GTF2I: variants seen among roughly 807,000 people sequenced by gnomAD.
The protein encoded by GTF2I is general transcription factor IIi, also known as general transcription factor II-I.
Under a neutral mutation model 67.6 loss-of-function variants are expected in GTF2I, and 12 were observed. The observed-to-expected ratio is 0.18, with a 90% CI of 0.11 to 0.29. The LOEUF (loss-of-function observed/expected upper bound fraction) is 0.29. GTF2I is among the 10% of genes least tolerant of loss of function. The pLI is 1.00. For missense variants in GTF2I, 271 were observed against 580.1 expected, an observed-to-expected ratio of 0.47 and a Z score of 5.47; for synonymous variants, 149 against 197.0, an observed-to-expected ratio of 0.76 and a Z score of 2.04.
chr7:74,707,340 A>G (rs1421134208), intron 8 of GTF2I, among the ~76,000 whole-genome samples: 2 of 151,916 alleles, frequency 1.3e-5, no homozygotes, highest in Admixed American at 6.6e-5. Flanking sequence ...CTGCCCCCTC[A>G]TCTCCCTCTG....
At chr7:74,685,287 C>T (rs1034767901) in intron 1 of GTF2I, among the ~76,000 whole-genome samples, 3 of 152,144 alleles carry the variant, frequency 2.0e-5, no homozygotes, top group South Asian at 2.1e-4. Context: ...CTTGAGGTCA[C>T]GAGTTCCAGA....
intron 1 of GTF2I, among the ~76,000 whole-genome samples, chr7:74,665,283 GCT>G (rs1393057599): frequency 1.3e-5 from 2 of 151,480 alleles, no homozygotes; most frequent in Non-Finnish European, 2.9e-5. Flanking sequence ...ACAGTGTCTT[GCT>G]CTGTTACCCA....
intron 15 of GTF2I, among the ~76,000 whole-genome samples, chr7:74,732,973 AT>A (rs1166582666): frequency 1.0e-4 from 15 of 149,472 alleles, no homozygotes; most frequent in African/African-American, 2.9e-4. Flanking sequence ...ATATATATAT[AT>A]TTTTTTTTTC....
intron 11 of GTF2I, among the ~76,000 whole-genome samples, chr7:74,718,620 T>G (rs1044141736): frequency 2.2e-4 from 33 of 152,248 alleles, no homozygotes; most frequent in African/African-American, 7.2e-4. Flanking sequence ...CCTCCAAGAC[T>G]ATGGGATTTT....
intron 3 of GTF2I, among the ~76,000 whole-genome samples, chr7:74,694,544 G>A (rs782545305): frequency 1.3e-5 from 2 of 152,020 alleles, no homozygotes; most frequent in Non-Finnish European, 2.9e-5. Context: ...CTGAGATCTC[G>A]CCATTGCACT....
At chr7:74,691,208 C>CT (rs368243097) in intron 3 of GTF2I, 97 bp downstream of exon 3, 55,600 of 649,838 alleles carry the variant, frequency 0.086, 48 homozygotes, top group Middle Eastern at 0.097. Context: ...TTCTTTCTTT[C>CT]TTTTTTTTTT....
At chr7:74,700,180 G>A in intron 4 of GTF2I, 67 bp from the exon 5 acceptor site, 1 of 1,530,460 alleles carries the variant, frequency 6.5e-7, no homozygotes, top group Non-Finnish European at 9.0e-7. Flanking sequence ...GCCACAATAA[G>A]CTAGCGATGA....
intron 3 of GTF2I, among the ~76,000 whole-genome samples, chr7:74,693,501 G>GT (rs1225869752): frequency 2.6e-5 from 4 of 151,782 alleles, no homozygotes; most frequent in Non-Finnish European, 5.9e-5. Flanking sequence ...CAATCGCCTG[G>GT]TCCCCCATCA....
Position 74,700,440 on chromosome 7 carries a change from T to C in GTF2I, c.557+10T>C. The C allele has an allele frequency of 1.2e-6, 2 of 1,614,028 alleles. No homozygotes were observed. The highest frequency in any genetic ancestry group is 1.7e-6 in the Non-Finnish European group (2 of 1,179,874). On this transcript the variant is annotated intron_variant, in intron 5 of 34. Transcript: ENST00000573035. ...CATTCATCATTAAGAGGTGAAGTGCTTTCTCCCTTTGTACCCATCAACAGT... is the reference window on the plus strand; with the variant it reads ...CATTCATCATTAAGAGGTGAAGTGCCTTCTCCCTTTGTACCCATCAACAGT...
At chr7:74,698,019 AATTTCCG>A (rs1375019389) in intron 3 of GTF2I, among the ~76,000 whole-genome samples, 1 of 151,876 alleles carries the variant, frequency 6.6e-6, no homozygotes, top group Non-Finnish European at 1.5e-5. Flanking sequence ...GCAGTGGCGC[AATTTCCG>A]CTCGCTGCAA....
At chr7:74,688,732 CT>C (rs1787969191) in intron 1 of GTF2I, among the ~76,000 whole-genome samples, 1 of 152,174 alleles carries the variant, frequency 6.6e-6, no homozygotes, top group African/African-American at 2.4e-5. Context: ...TGTACCCACT[CT>C]TTTGTGTGTC....
intron 1 of GTF2I, among the ~76,000 whole-genome samples, chr7:74,688,490 C>T (rs181903367): frequency 7.6e-4 from 116 of 152,160 alleles, no homozygotes; most frequent in African/African-American, 2.6e-3. Context: ...GAGTTTTGCT[C>T]TTGTCACCCA....
intron 19 of GTF2I, among the ~76,000 whole-genome samples, chr7:74,741,058 T>G (rs1463163774): frequency 8.4e-5 from 3 of 35,590 alleles, no homozygotes; most frequent in South Asian, 9.8e-4. Context: ...ATAATAGCTT[T>G]TTTGTTTGTT....
chr7:74,680,099 A>ATAT (rs1472352975), intron 1 of GTF2I, among the ~76,000 whole-genome samples: 17 of 94,978 alleles, frequency 1.8e-4, no homozygotes, highest in South Asian at 3.3e-4. Context: ...AAAAAAAAAA[A>ATAT]ATATATATAT....
At chr7:74,733,401 C>A (rs1468063562) in intron 15 of GTF2I, among the ~76,000 whole-genome samples, 1 of 134,188 alleles carries the variant, frequency 7.5e-6, no homozygotes, top group Admixed American at 7.9e-5. Flanking sequence ...GATACATGCT[C>A]CATGAAGCAC....
chr7:74,725,624 G>A (rs1357684304), intron 12 of GTF2I, among the ~76,000 whole-genome samples: 2 of 152,100 alleles, frequency 1.3e-5, no homozygotes, highest in Non-Finnish European at 2.9e-5. Context: ...AGCCTGGGAA[G>A]TCGAGGCTGC....
intron 6 of GTF2I, 52 bp downstream of exon 6, chr7:74,700,686 A>G (rs1554399664): frequency 6.8e-7 from 1 of 1,478,162 alleles, no homozygotes; most frequent in African/African-American, 1.4e-5. Context: ...GTTTTGCTAG[A>G]TTTTCATACA....
At chr7:74,680,108 A>C (rs1263434715) in intron 1 of GTF2I, among the ~76,000 whole-genome samples, 4 of 123,328 alleles carry the variant, frequency 3.2e-5, no homozygotes, top group African/African-American at 1.3e-4. Context: ...AAATATATAT[A>C]TATATATATG....
At chr7:74,659,827 GC>G (rs1237117432) in intron 1 of GTF2I, among the ~76,000 whole-genome samples, 1 of 152,134 alleles carries the variant, frequency 6.6e-6, no homozygotes, top group Non-Finnish European at 1.5e-5. Context: ...ACAGGCTTGA[GC>G]CACCACGCTG....
Sources: gnomAD v4.1 joint callset for allele counts (sites outside exome capture counted in the v4.1 genomes callset) on GRCh38, gnomAD v4.1.1 for gene constraint, MANE v1.5 for transcripts, NCBI Gene and HGNC (gene_info 2026-07-23, HGNC 2026-07-21) for gene names.